The following PPP6C variants were observed in gnomAD, a reference collection of about 807,000 sequenced individuals.
PPP6C encodes the protein serine/threonine-protein phosphatase 6 catalytic subunit.
In PPP6C, 11 loss-of-function variants were observed where a neutral mutation model predicts 39.8. That is an observed-to-expected ratio of 0.28 (90% CI 0.17 to 0.46). PPP6C has a LOEUF of 0.46. PPP6C is among the 20% of genes least tolerant of loss of function. The pLI is 1.00. For synonymous variants in PPP6C, 129 were observed against 130.3 expected, an observed-to-expected ratio of 0.99 and a Z score of 0.07; for missense variants, 211 against 373.9, an observed-to-expected ratio of 0.56 and a Z score of 3.59.
chr9:125,169,250 T>C (rs563652858), intron 2 of PPP6C, among the ~76,000 whole-genome samples: 1 of 152,178 alleles, frequency 6.6e-6, no homozygotes, highest in Non-Finnish European at 1.5e-5. Flanking sequence ...AATAATCCTA[T>C]CTCACAGGAC....
At chr9:125,179,019 A>C (rs1256917495) in intron 1 of PPP6C, among the ~76,000 whole-genome samples, 1 of 152,182 alleles carries the variant, frequency 6.6e-6, no homozygotes, top group African/African-American at 2.4e-5. Context: ...GTTCGAGACC[A>C]GCATGACCAA....
chr9:125,170,294 T>C (rs918319229), intron 2 of PPP6C, among the ~76,000 whole-genome samples: 2 of 151,690 alleles, frequency 1.3e-5, no homozygotes, highest in Non-Finnish European at 2.9e-5. Flanking sequence ...TGGAGTGCAG[T>C]GGTGCGGTCT....
chr9:125,167,404 TA>T (rs941809623), intron 2 of PPP6C, among the ~76,000 whole-genome samples: 1 of 81,288 alleles, frequency 1.2e-5, no homozygotes, highest in Admixed American at 1.2e-4. Context: ...AAAAAAGAAA[TA>T]AAAAAAAGGC....
intron 2 of PPP6C, among the ~76,000 whole-genome samples, chr9:125,164,505 G>A (rs551919838): frequency 6.6e-6 from 1 of 152,238 alleles, no homozygotes; most frequent in South Asian, 2.1e-4. Flanking sequence ...TAGGATTACA[G>A]GCGTGAGCCA....
intron 2 of PPP6C, among the ~76,000 whole-genome samples, chr9:125,167,645 G>A (rs1246616944): frequency 6.6e-6 from 1 of 151,958 alleles, no homozygotes; most frequent in African/African-American, 2.4e-5. Flanking sequence ...AGAGGTTGCA[G>A]TGAGCCAGGA....
chr9:125,152,416 A>T (rs1392106899), intron 6 of PPP6C, among the ~76,000 whole-genome samples: 1 of 152,160 alleles, frequency 6.6e-6, no homozygotes, highest in African/African-American at 2.4e-5. Flanking sequence ...CCACTGTGGC[A>T]GTAGGTTTTA....
At chr9:125,152,243 G>C (rs1835966254) in intron 6 of PPP6C, among the ~76,000 whole-genome samples, 1 of 152,022 alleles carries the variant, frequency 6.6e-6, no homozygotes, top group Admixed American at 6.6e-5. Flanking sequence ...CTTTGATTTG[G>C]CTTTACCTTC....
At chr9:125,166,040 G>A (rs774231147) in intron 2 of PPP6C, among the ~76,000 whole-genome samples, 21 of 152,028 alleles carry the variant, frequency 1.4e-4, no homozygotes, top group South Asian at 4.2e-4. Flanking sequence ...CAAGCGATCC[G>A]CTTGCCACGG....
rs974659262 is a variant in PPP6C, at chr9:125,148,232, T to C, written c.*1441A>G. On this transcript the variant is annotated 3_prime_UTR_variant, in exon 7 of 7. Coordinates refer to ENST00000373547, the MANE Select transcript of PPP6C (RefSeq NM_002721.5). ...AAGGGGAAAAGTGGGTTTTCAAAAC[T>C]ACCTGAACAGATGCTAAAGTGCTTT... The C allele has an allele frequency of 6.5e-5, 10 of 153,434 alleles. No individual in the cohort carries two copies. The highest frequency in any genetic ancestry group is 1.5e-4 in the Non-Finnish European group (10 of 68,708). The allele number at this position is 153,434 out of a possible 1,614,324, so 9.5% of individuals were successfully genotyped here.
intron 4 of PPP6C, 35 bp from the exon 5 acceptor site, chr9:125,154,020 T>A: frequency 2.1e-6 from 3 of 1,446,500 alleles, no homozygotes; most frequent in South Asian, 2.3e-5. Context: ...AATTAATGAA[T>A]CTGCTAATAA....
intron 1 of PPP6C, chr9:125,189,420 G>A (rs748152304): frequency 5.1e-5 from 65 of 1,277,918 alleles, no homozygotes; most frequent in Admixed American, 2.5e-4. Context: ...TGGGACAGAG[G>A]CCGCGACATC....
At position 125,147,502 on chromosome 9, in the gene PPP6C, C is replaced by T. The variant is rs1201673031; in HGVS notation, c.*2171G>A. Reference sequence around the variant, plus strand: ...GTCCAATACATTAGCTCTCTCTTCCCTTTACACGTCTAATAGTAAAAACTA... The same window carrying T: ...GTCCAATACATTAGCTCTCTCTTCCTTTTACACGTCTAATAGTAAAAACTA... On this transcript the variant is annotated 3_prime_UTR_variant, in exon 7 of 7. Transcript: ENST00000373547. The T allele has an allele frequency of 1.3e-5, 2 of 152,166 alleles. No individual in the cohort carries two copies. The highest frequency in any genetic ancestry group is 2.9e-5 in the Non-Finnish European group (2 of 68,030). The allele number at this position is 152,166 out of a possible 1,614,324, so 9.4% of individuals were successfully genotyped here. A position where few individuals can be genotyped will look rare whatever the true frequency, so the allele number is the denominator to read the frequency against.
chr9:125,183,432 G>A (rs557506078), intron 1 of PPP6C, among the ~76,000 whole-genome samples: 2 of 152,256 alleles, frequency 1.3e-5, no homozygotes, highest in South Asian at 4.1e-4. Context: ...GTGTATCCCT[G>A]TAATAATTTT....
chr9:125,151,423 C>T (rs1488313667), intron 6 of PPP6C: 5 of 863,502 alleles, frequency 5.8e-6, no homozygotes, highest in South Asian at 1.4e-5. Flanking sequence ...ACATCAACAA[C>T]GCATGCTTTA....
At position 125,181,548 on chromosome 9, in the gene PPP6C, A is replaced by G. The variant is rs929340118; in HGVS notation, c.75+8096T>C. 7.9e-5 allele frequency among the ~76,000 whole-genome samples: 12 copies of G among 151,806 alleles called. No individual in the cohort carries two copies. In the East Asian group the frequency reaches 1.2e-3, roughly 15 times the overall value. ...CCCTCCCCTCTGCCCATATGTTCTC[A>G]TTGTTCAACTCCCGCTTACGAGTGA... On this transcript the variant is annotated intron_variant, in intron 1 of 6. Transcript: ENST00000373547.
rs796401058 is a variant in PPP6C, at chr9:125,164,879, C to T, written c.172-3973G>A. ...TCAGCCTCCCGAGTAGCTGGGACTA[C>T]AGTCATGTGCCACCATGCCCAGCTA... On this transcript the variant is annotated intron_variant, in intron 2 of 6. Coordinates refer to ENST00000373547, the MANE Select transcript of PPP6C (RefSeq NM_002721.5). 5.9e-5 allele frequency among the ~76,000 whole-genome samples: 9 copies of T among 152,314 alleles called. No homozygotes were observed. In the South Asian group the frequency reaches 1.2e-3, roughly 21 times the overall value.
At chr9:125,155,804 C>T (rs1351828792) in intron 4 of PPP6C, among the ~76,000 whole-genome samples, 1 of 149,682 alleles carries the variant, frequency 6.7e-6, no homozygotes, top group Non-Finnish European at 1.5e-5. Context: ...ACTTGGGAGG[C>T]GGAGGCAGGA....
intron 6 of PPP6C, 40 bp from the exon 7 acceptor site, chr9:125,149,961 A>G: frequency 6.3e-7 from 1 of 1,592,820 alleles, no homozygotes. Flanking sequence ...TAGCACTTAA[A>G]AAACAATCGG....
At chr9:125,177,431 T>TCG (rs1242964163) in intron 1 of PPP6C, among the ~76,000 whole-genome samples, 1 of 151,944 alleles carries the variant, frequency 6.6e-6, no homozygotes, top group Non-Finnish European at 1.5e-5. Flanking sequence ...GCACAGTGGC[T>TCG]CGCGCCTGTA....
Sources: allele counts gnomAD v4.1 joint callset (sites outside exome capture counted in the v4.1 genomes callset), GRCh38; gene constraint gnomAD v4.1.1; transcripts MANE v1.5; gene names NCBI Gene and HGNC (gene_info 2026-07-23, HGNC 2026-07-21).